SPOCK1: variants seen among roughly 807,000 people sequenced by gnomAD.
SPOCK1 encodes SPARC (osteonectin), cwcv and kazal like domains proteoglycan 1.
In SPOCK1, 23 loss-of-function variants were observed where a neutral mutation model predicts 55.3. The ratio of observed to expected loss-of-function variants is 0.42; its 90% CI spans 0.30 to 0.59. The LOEUF (loss-of-function observed/expected upper bound fraction) is 0.59, where lower values mean the gene tolerates loss of function less well. SPOCK1 is among the 20% of genes least tolerant of loss of function. The pLI is 0.22. For missense variants in SPOCK1, 499 were observed against 552.5 expected (o/e 0.90, Z 0.97); for synonymous variants, 226 against 221.0 (o/e 1.02, Z -0.20).
chr5:137,154,658 C>T (rs1004348703), intron 3 of SPOCK1, among the ~76,000 whole-genome samples: 2 of 152,196 alleles, frequency 1.3e-5, no homozygotes, highest in African/African-American at 4.8e-5. Context: ...TGAGGTTCAT[C>T]AGCACCAATG....
rs1168197503 is a variant in SPOCK1, at chr5:137,498,574, C to T, written c.1-16G>A. 6.9e-6 allele frequency: 10 copies of T among 1,455,716 alleles called. No homozygotes were observed. Among genetic ancestry groups the T allele is most frequent in the Non-Finnish European group, 9.0e-6 (10 of 1,112,664 alleles). 90.2% of individuals were successfully genotyped at this position (1,455,716 alleles called of 1,614,324 possible). A position where few individuals can be genotyped will look rare whatever the true frequency, so the allele number is the denominator to read the frequency against. On this transcript the variant is annotated splice_polypyrimidine_tract_variant and intron_variant, in intron 1 of 10. Coordinates refer to ENST00000394945, the MANE Select transcript of SPOCK1 (RefSeq NM_004598.4). ...TCGCCGGCATCTGCGGGGCAGGGCG[C>T]GCAGGGCGATGAGCGAAGAGGGCGG... is the stretch of plus-strand genomic sequence containing the variant.
chr5:137,287,200 C>G (rs560027185), intron 2 of SPOCK1, among the ~76,000 whole-genome samples: 3 of 152,300 alleles, frequency 2.0e-5, no homozygotes, highest in South Asian at 4.1e-4. Context: ...TGCCATGGTG[C>G]AAACTGTTTC....
At chr5:137,128,195 A>T (rs2127042464) in intron 4 of SPOCK1, among the ~76,000 whole-genome samples, 1 of 152,336 alleles carries the variant, frequency 6.6e-6, no homozygotes, top group East Asian at 1.9e-4. Flanking sequence ...TGAAACAGGA[A>T]GTAGGTCCTC....
chr5:137,326,039 C>A (rs1758070621), intron 2 of SPOCK1, among the ~76,000 whole-genome samples: 3 of 152,154 alleles, frequency 2.0e-5, no homozygotes, highest in Admixed American at 2.0e-4. Flanking sequence ...ACATTTTTAC[C>A]AGCACTTCTT....
chr5:136,990,503 T>G (rs1750928373), intron 7 of SPOCK1, among the ~76,000 whole-genome samples: 1 of 152,030 alleles, frequency 6.6e-6, no homozygotes, highest in Admixed American at 6.6e-5. Context: ...ATCTTTCCAT[T>G]TTTAAATTTA....
At chr5:137,002,795 G>A (rs933921715) in intron 6 of SPOCK1, among the ~76,000 whole-genome samples, 18 of 152,320 alleles carry the variant, frequency 1.2e-4, no homozygotes, top group Non-Finnish European at 2.2e-4. Flanking sequence ...GGGGGAAGGG[G>A]AAGGACAGAG....
At chr5:137,238,899 A>G (rs1309849248) in intron 3 of SPOCK1, among the ~76,000 whole-genome samples, 2 of 152,250 alleles carry the variant, frequency 1.3e-5, no homozygotes, top group African/African-American at 4.8e-5. Flanking sequence ...TAAGAAATAT[A>G]CATTTGGTCT....
intron 5 of SPOCK1, among the ~76,000 whole-genome samples, chr5:137,086,246 A>T (rs1168678110): frequency 6.6e-6 from 1 of 152,004 alleles, no homozygotes; most frequent in East Asian, 1.9e-4. Flanking sequence ...ACCAAATTTC[A>T]CTTAGGGACA....
chr5:137,435,813 A>T (rs1752853202), intron 2 of SPOCK1, among the ~76,000 whole-genome samples: 2 of 140,206 alleles, frequency 1.4e-5, no homozygotes, highest in South Asian at 2.3e-4. Context: ...TTTTTTTTTT[A>T]CCAGCATCTT....
intron 2 of SPOCK1, among the ~76,000 whole-genome samples, chr5:137,418,139 A>C (rs573555573): frequency 3.6e-4 from 54 of 152,112 alleles, no homozygotes; most frequent in East Asian, 9.7e-4. Context: ...TGAACTCATC[A>C]TTTTTTATGG....
intron 2 of SPOCK1, among the ~76,000 whole-genome samples, chr5:137,321,634 G>C (rs186360018): frequency 9.1e-4 from 139 of 152,262 alleles, no homozygotes; most frequent in African/African-American, 3.1e-3. Flanking sequence ...CCAGCACTTT[G>C]GGAGGCCGAG....
chr5:137,296,340 G>A lies in SPOCK1; in HGVS notation c.187-29285C>T, dbSNP rs550785793. On this transcript the variant is annotated intron_variant, in intron 2 of 10. Coordinates refer to ENST00000394945, the MANE Select transcript of SPOCK1 (RefSeq NM_004598.4). ...CCTTTCTCAAATATCACCAAGTCAC[G>A]CAAGGGGAGCCCGCATTCAAACTCA... Among the ~76,000 whole-genome samples, 5 of 152,270 alleles carry A rather than the reference G, an allele frequency of 3.3e-5. No individual in the cohort carries two copies. The South Asian group carries it at 8.3e-4, about 25-fold the overall frequency.
chr5:137,322,644 T>C (rs1170000123), intron 2 of SPOCK1, among the ~76,000 whole-genome samples: 1 of 151,170 alleles, frequency 6.6e-6, no homozygotes, highest in East Asian at 1.9e-4. Flanking sequence ...AAGCCCCATG[T>C]AACCACAAAA....
At chr5:137,015,510 C>T (rs963147432) in intron 6 of SPOCK1, among the ~76,000 whole-genome samples, 1 of 152,150 alleles carries the variant, frequency 6.6e-6, no homozygotes, top group African/African-American at 2.4e-5. Flanking sequence ...CACATTCACA[C>T]TCACATTCAG....
chr5:137,430,952 C>T (rs1412383749), intron 2 of SPOCK1, among the ~76,000 whole-genome samples: 1 of 152,160 alleles, frequency 6.6e-6, no homozygotes. Flanking sequence ...TGTTCAGAGG[C>T]TTCTATGAAA....
intron 2 of SPOCK1, among the ~76,000 whole-genome samples, chr5:137,481,877 CA>C (rs751552007): frequency 2.0e-5 from 3 of 151,948 alleles, no homozygotes; most frequent in Non-Finnish European, 4.4e-5. Flanking sequence ...AACTTTAACT[CA>C]AGACTGGAAA....
chr5:137,417,821 T>G (rs1313478066), intron 2 of SPOCK1, among the ~76,000 whole-genome samples: 1 of 152,240 alleles, frequency 6.6e-6, no homozygotes, highest in Non-Finnish European at 1.5e-5. Context: ...TCTTTTATTA[T>G]ACTTTAAGGT....
At chr5:137,129,605 G>A (rs981335224) in intron 4 of SPOCK1, among the ~76,000 whole-genome samples, 7 of 152,178 alleles carry the variant, frequency 4.6e-5, no homozygotes, top group African/African-American at 1.7e-4. Context: ...CCTCCTCTGG[G>A]TAGGGGCCAC....
At chr5:137,264,733 T>G (rs1463789559) in intron 3 of SPOCK1, among the ~76,000 whole-genome samples, 1 of 152,182 alleles carries the variant, frequency 6.6e-6, no homozygotes, top group Non-Finnish European at 1.5e-5. Flanking sequence ...GCTCTACATC[T>G]TCCATGCCTG....
Sources: allele counts gnomAD v4.1 joint callset (sites outside exome capture counted in the v4.1 genomes callset), GRCh38; gene constraint gnomAD v4.1.1; transcripts MANE v1.5; gene names NCBI Gene and HGNC (gene_info 2026-07-23, HGNC 2026-07-21).